The following PACS1 variants were observed in gnomAD, a reference collection of about 807,000 sequenced individuals.
The protein encoded by PACS1 is PACS-1.
A neutral mutation model predicts 115.0 loss-of-function variants in PACS1; 24 were observed. The ratio of observed to expected loss-of-function variants is 0.21; its 90% confidence interval spans 0.15 to 0.29. The LOEUF (loss-of-function observed/expected upper bound fraction) is 0.29, where lower values mean the gene tolerates loss of function less well. Among genes scored for constraint, PACS1 ranks in the 10% least tolerant of loss-of-function variants. PACS1 has a pLI of 1.00. For missense variants in PACS1, 838 were observed against 1,251.2 expected, an observed-to-expected ratio of 0.67 and a Z score of 4.98; for synonymous variants, 453 against 504.5, an observed-to-expected ratio of 0.90 and a Z score of 1.37.
intron 1 of PACS1, among the ~76,000 whole-genome samples, chr11:66,133,432 A>G (rs1350105915): frequency 1.3e-5 from 2 of 152,156 alleles, no homozygotes; most frequent in Admixed American, 1.3e-4. Context: ...CTTGGGGCAA[A>G]GGATCTTGCC....
At position 66,235,801 on chromosome 11, in the gene PACS1, C is replaced by T; in HGVS notation, c.2208-97C>T. On this transcript the variant is annotated intron_variant, in intron 18 of 23. Transcript: ENST00000320580. This position sits in a 1 kb window ranked among gnomAD's most constrained non-coding sequence, Gnocchi z 5.6. ...GGCAGAGGCAGCCCAGCATCCTGGA[C>T]TCTGCTGCAGCCACAGTGAGATAGG... is the stretch of plus-strand genomic sequence containing the variant. 9.5e-7 allele frequency: 1 copy of T among 1,050,710 alleles called. No homozygotes were observed. Among genetic ancestry groups the T allele is most frequent in the Non-Finnish European group, 1.5e-6 (1 of 666,440 alleles). The allele number at this position is 1,050,710 out of a possible 1,614,324, so 65.1% of individuals were successfully genotyped here.
At chr11:66,175,971 C>T (rs972715344) in intron 1 of PACS1, among the ~76,000 whole-genome samples, 1 of 152,184 alleles carries the variant, frequency 6.6e-6, no homozygotes, top group African/African-American at 2.4e-5. Context: ...TGGACAGTTA[C>T]AGTAACTTCC....
chr11:66,082,881 G>A (rs920106313), intron 1 of PACS1, among the ~76,000 whole-genome samples: 5 of 152,034 alleles, frequency 3.3e-5, no homozygotes, highest in Admixed American at 1.3e-4. Flanking sequence ...AAATGTCTGA[G>A]CATCTATGTT....
intron 1 of PACS1, among the ~76,000 whole-genome samples, chr11:66,132,308 C>T (rs1319970842): frequency 1.3e-5 from 2 of 152,144 alleles, no homozygotes; most frequent in East Asian, 1.9e-4. Context: ...TTCCCCTTCA[C>T]GATGATTGTG....
At chr11:66,126,689 G>GTGGGGA (rs1858582299) in intron 1 of PACS1, among the ~76,000 whole-genome samples, 1 of 151,306 alleles carries the variant, frequency 6.6e-6, no homozygotes, top group Non-Finnish European at 1.5e-5. Flanking sequence ...CTAGGTGGGG[G>GTGGGGA]TGGGGATGAG....
intron 1 of PACS1, among the ~76,000 whole-genome samples, chr11:66,193,249 C>T (rs181730236): frequency 4.6e-5 from 7 of 152,262 alleles, no homozygotes; most frequent in East Asian, 3.9e-4. Context: ...GAGGCCAAGA[C>T]GGGGAGGATC....
At chr11:66,215,131 A>C (rs1408254445) in intron 4 of PACS1, among the ~76,000 whole-genome samples, 1 of 151,178 alleles carries the variant, frequency 6.6e-6, no homozygotes, top group Non-Finnish European at 1.5e-5. Context: ...ACGGGGTTTC[A>C]CTATGTTAGC....
In PACS1 at chr11:66,202,165, A is replaced by G. The variant is rs577970761; in HGVS notation, c.445-8197A>G. Reference sequence around the variant, plus strand: ...ATGGATAAATTCCTGGAAAGATACAACCTTCCAAGATTGAACCATGAAGAA... The same window carrying G: ...ATGGATAAATTCCTGGAAAGATACAGCCTTCCAAGATTGAACCATGAAGAA... On this transcript the variant is annotated intron_variant, in intron 2 of 23. Transcript: ENST00000320580. Among the ~76,000 whole-genome samples, 7 of 152,274 alleles carry G rather than the reference A, an allele frequency of 4.6e-5. No individual in the cohort carries two copies. The South Asian group carries it at 8.3e-4, about 18-fold the overall frequency.
chr11:66,086,239 C>T (rs1857566357), intron 1 of PACS1, among the ~76,000 whole-genome samples: 3 of 150,940 alleles, frequency 2.0e-5, no homozygotes, highest in South Asian at 2.1e-4. Flanking sequence ...CCGGGGTTCA[C>T]GCCATTCTCC....
At chr11:66,201,752 C>G (rs1272337713) in intron 2 of PACS1, among the ~76,000 whole-genome samples, 1 of 151,738 alleles carries the variant, frequency 6.6e-6, no homozygotes, top group African/African-American at 2.4e-5. Flanking sequence ...CTCTGCCTCC[C>G]AGGTTCAAGT....
intron 1 of PACS1, among the ~76,000 whole-genome samples, chr11:66,156,204 T>TTATATATATA (rs61270162): frequency 5.2e-4 from 44 of 85,054 alleles, no homozygotes; most frequent in Admixed American, 7.1e-4. Context: ...ATTTTTTAAA[T>TTATATATATA]TATATATATA....
intron 1 of PACS1, among the ~76,000 whole-genome samples, chr11:66,119,700 G>T (rs1386734518): frequency 6.6e-6 from 1 of 152,194 alleles, no homozygotes; most frequent in African/African-American, 2.4e-5. Context: ...TTAGTTATGG[G>T]AATATTTTAA....
chr11:66,129,671 C>A (rs1386069825), intron 1 of PACS1, among the ~76,000 whole-genome samples: 1 of 151,896 alleles, frequency 6.6e-6, no homozygotes, highest in Non-Finnish European at 1.5e-5. Context: ...AAGTGTGAGG[C>A]ACCCAGCACT....
intron 1 of PACS1, among the ~76,000 whole-genome samples, chr11:66,097,075 G>C (rs965111609): frequency 6.6e-6 from 1 of 151,966 alleles, no homozygotes; most frequent in African/African-American, 2.4e-5. Flanking sequence ...TTTAAACTTT[G>C]TAAGAAACTG....
chr11:66,187,643 C>CT (rs1854414011), intron 1 of PACS1, among the ~76,000 whole-genome samples: 1 of 152,178 alleles, frequency 6.6e-6, no homozygotes, highest in African/African-American at 2.4e-5. Context: ...GGATCTCACA[C>CT]TTTTTTATGG....
At chr11:66,126,062 G>A (rs919709207) in intron 1 of PACS1, among the ~76,000 whole-genome samples, 2 of 151,440 alleles carry the variant, frequency 1.3e-5, no homozygotes, top group Non-Finnish European at 2.9e-5. Context: ...AAAAAAATGT[G>A]GGCAACTCTA....
chr11:66,153,384 C>G (rs1041196745), intron 1 of PACS1, among the ~76,000 whole-genome samples: 1 of 152,152 alleles, frequency 6.6e-6, no homozygotes, highest in African/African-American at 2.4e-5. Flanking sequence ...GTGGCTCACA[C>G]CTGTAATCTC....
intron 1 of PACS1, among the ~76,000 whole-genome samples, chr11:66,110,291 T>A (rs546335603): frequency 6.6e-6 from 1 of 150,742 alleles, no homozygotes; most frequent in East Asian, 1.9e-4. Flanking sequence ...TCTCCTGATT[T>A]AAAAAAAAAA....
rs530202147 is a variant in PACS1 at position 66,242,234 on chromosome 11, C to G, written c.2656+581C>G. Among the ~76,000 whole-genome samples the G allele has an allele frequency of 2.0e-5, 3 of 152,188 alleles. No individual in the cohort carries two copies. In the East Asian group the frequency reaches 5.8e-4, roughly 29 times the overall value. On this transcript the variant is annotated intron_variant, in intron 22 of 23. Transcript: ENST00000320580. ...CCAGTGCTGCGGCAGCGCCTGCCAC[C>G]GTTGGTGCCAGCTGGGGACCCGCAA...
Sources: allele counts gnomAD v4.1 joint callset (sites outside exome capture counted in the v4.1 genomes callset), GRCh38; gene constraint gnomAD v4.1.1; non-coding constraint Gnocchi (gnomAD v3.1); transcripts MANE v1.5; gene names NCBI Gene and HGNC (gene_info 2026-07-23, HGNC 2026-07-21).